EDAR: variants seen among roughly 807,000 people sequenced by gnomAD.
EDAR encodes tumor necrosis factor receptor superfamily member EDAR.
EDAR carries 38 observed loss-of-function variants against 51.3 expected under a neutral mutation model. The observed-to-expected ratio is 0.74, with a 90% CI of 0.57 to 0.97. The LOEUF (loss-of-function observed/expected upper bound fraction) is 0.97. EDAR is among the 50% of genes least tolerant of loss of function. EDAR has a pLI of 0.00. For synonymous variants in EDAR, 227 were observed against 242.1 expected, an observed-to-expected ratio of 0.94 and a Z score of 0.58; for missense variants, 528 against 595.0, an observed-to-expected ratio of 0.89 and a Z score of 1.17.
At chr2:108,969,991 G>T (rs1259939363) in intron 1 of EDAR, among the ~76,000 whole-genome samples, 1 of 152,206 alleles carries the variant, frequency 6.6e-6, no homozygotes, top group East Asian at 1.9e-4. Context: ...CTAATGGAGG[G>T]TCTAGCCAGC....
chr2:108,968,264 CT>C (rs1323290122), intron 1 of EDAR, among the ~76,000 whole-genome samples: 1 of 152,176 alleles, frequency 6.6e-6, no homozygotes, highest in African/African-American at 2.4e-5. Context: ...CCTAGATCTA[CT>C]AAATCAGAGC....
At chr2:108,980,725 C>T (rs1330182497) in intron 1 of EDAR, among the ~76,000 whole-genome samples, 2 of 152,048 alleles carry the variant, frequency 1.3e-5, no homozygotes, top group African/African-American at 2.4e-5. Flanking sequence ...CTTGGGCCAG[C>T]GCGTTTTGGG....
chr2:108,941,864 C>T (rs748900686), intron 1 of EDAR, among the ~76,000 whole-genome samples: 4 of 152,330 alleles, frequency 2.6e-5, no homozygotes, highest in African/African-American at 4.8e-5. Flanking sequence ...CCTCAGTGAA[C>T]GTGTATGCCC....
intron 4 of EDAR, among the ~76,000 whole-genome samples, chr2:108,926,956 C>T (rs1697267837): frequency 6.6e-6 from 1 of 152,232 alleles, no homozygotes; most frequent in South Asian, 2.1e-4. Context: ...GGAAGTGGGG[C>T]CTCCAGGGTC....
chr2:108,963,250 G>A (rs764957617), intron 1 of EDAR, among the ~76,000 whole-genome samples: 7 of 152,108 alleles, frequency 4.6e-5, no homozygotes, highest in Non-Finnish European at 7.4e-5. Context: ...AACGTAAAAG[G>A]GCTACGTAAG....
chr2:108,929,236 G>A lies in EDAR; in HGVS notation c.318C>T (p.Asp106=). 1.9e-6 allele frequency: 3 copies of A among 1,614,138 alleles called. No homozygotes were observed. The highest frequency in any genetic ancestry group is 2.5e-6 in the Non-Finnish European group (3 of 1,180,032). ...FFRATVLTPG[D]MENDAECGPC... Reference sequence around the variant, plus strand: ...GGCCACACTCAGCGTCATTCTCCATGTCCCCTGGTGTCAGCACGGTGGCCC... The same window carrying A: ...GGCCACACTCAGCGTCATTCTCCATATCCCCTGGTGTCAGCACGGTGGCCC... The change falls in exon 4 of 12, where the codon GAC becomes GAT. Residue 106 remains aspartate (D), a synonymous_variant. Transcript: ENST00000258443.
chr2:108,935,028 G>A (rs777207082), intron 1 of EDAR, among the ~76,000 whole-genome samples: 4 of 152,192 alleles, frequency 2.6e-5, no homozygotes, highest in Admixed American at 6.5e-5. Context: ...GGAGTCAAGC[G>A]TCACCTGTTG....
chr2:108,956,147 G>A (rs182897381), intron 1 of EDAR, among the ~76,000 whole-genome samples: 1 of 152,248 alleles, frequency 6.6e-6, no homozygotes, highest in Admixed American at 6.5e-5. Context: ...TTAATGGATT[G>A]AAAGTATCCC....
intron 1 of EDAR, among the ~76,000 whole-genome samples, chr2:108,972,560 T>C (rs1009920387): frequency 6.6e-6 from 1 of 152,238 alleles, no homozygotes; most frequent in Non-Finnish European, 1.5e-5. Context: ...GTAGGTGACC[T>C]GGGTTCAGAA....
intron 1 of EDAR, among the ~76,000 whole-genome samples, chr2:108,966,621 A>T (rs1371033420): frequency 6.6e-6 from 1 of 152,216 alleles, no homozygotes; most frequent in Non-Finnish European, 1.5e-5. Flanking sequence ...TCAAATAGTA[A>T]GGAAACCCTA....
At chr2:108,942,427 G>A (rs993337166) in intron 1 of EDAR, among the ~76,000 whole-genome samples, 1 of 152,224 alleles carries the variant, frequency 6.6e-6, no homozygotes, top group African/African-American at 2.4e-5. Flanking sequence ...AAGGGGCCTG[G>A]GCGTGGATGC....
chr2:108,943,852 G>A (rs1697659199), intron 1 of EDAR, among the ~76,000 whole-genome samples: 3 of 152,342 alleles, frequency 2.0e-5, no homozygotes, highest in Middle Eastern at 6.8e-3. Context: ...GCTGAGCAGA[G>A]ACTAGAATTC....
chr2:108,960,731 T>TTGA (rs1698022496), intron 1 of EDAR, among the ~76,000 whole-genome samples: 1 of 152,268 alleles, frequency 6.6e-6, no homozygotes, highest in Admixed American at 6.5e-5. Context: ...TATTGAGATT[T>TTGA]TGATATATTT....
At chr2:108,955,779 C>A (rs1161309462) in intron 1 of EDAR, among the ~76,000 whole-genome samples, 1 of 152,200 alleles carries the variant, frequency 6.6e-6, no homozygotes, top group African/African-American at 2.4e-5. Context: ...GTAATCCCAG[C>A]ACTTTGGGAG....
intron 1 of EDAR, among the ~76,000 whole-genome samples, chr2:108,941,623 T>C (rs960464267): frequency 1.4e-4 from 21 of 152,308 alleles, no homozygotes; most frequent in African/African-American, 5.1e-4. Flanking sequence ...AACGATCTCC[T>C]TGGCCCAGAG....
At chr2:108,958,413 A>AC (rs1697965616) in intron 1 of EDAR, among the ~76,000 whole-genome samples, 2 of 151,602 alleles carry the variant, frequency 1.3e-5, no homozygotes, top group African/African-American at 4.9e-5. Context: ...CAGCAGGAAA[A>AC]AAAAAACAAA....
intron 11 of EDAR, among the ~76,000 whole-genome samples, chr2:108,902,047 G>T (rs2105380991): frequency 6.6e-6 from 1 of 152,298 alleles, no homozygotes; most frequent in Non-Finnish European, 1.5e-5. Context: ...AGACCAGCCT[G>T]GCCAACATGG....
chr2:108,903,257 A>G (rs530821259), intron 11 of EDAR, among the ~76,000 whole-genome samples: 1 of 152,322 alleles, frequency 6.6e-6, no homozygotes, highest in South Asian at 2.1e-4. Context: ...AAATAAATGA[A>G]GAGATATACC....
intron 1 of EDAR, among the ~76,000 whole-genome samples, chr2:108,977,596 T>C (rs1698347348): frequency 6.6e-6 from 1 of 152,176 alleles, no homozygotes; most frequent in Non-Finnish European, 1.5e-5. Context: ...TGAGTGTTCC[T>C]GAAGTGGAAG....
Sources: allele counts gnomAD v4.1 joint callset (sites outside exome capture counted in the v4.1 genomes callset), GRCh38; gene constraint gnomAD v4.1.1; transcripts MANE v1.5; gene names NCBI Gene and HGNC (gene_info 2026-07-23, HGNC 2026-07-21).